The following TENM4 variants were observed in gnomAD, a reference collection of about 807,000 sequenced individuals.
The protein encoded by TENM4 is teneurin transmembrane protein 4.
TENM4 carries 82 observed loss-of-function variants against 243.3 expected under a neutral mutation model. That is an observed-to-expected ratio of 0.34 (90% CI 0.28 to 0.40). The LOEUF is 0.40. TENM4 is among the 10% of genes least tolerant of loss of function. The pLI is 1.00. For synonymous variants in TENM4, 1,412 were observed against 1,456.3 expected, an observed-to-expected ratio of 0.97 and a Z score of 0.69; for missense variants, 3,138 against 3,673.3, an observed-to-expected ratio of 0.85 and a Z score of 3.77.
chr11:79,436,301 G>A (rs922026986), intron 1 of TENM4, among the ~76,000 whole-genome samples: 1 of 152,114 alleles, frequency 6.6e-6, no homozygotes, highest in Non-Finnish European at 1.5e-5. Flanking sequence ...TATAACGGAC[G>A]TTATTGGGAC....
At chr11:79,424,251 G>A (rs1455383820) in intron 1 of TENM4, among the ~76,000 whole-genome samples, 1 of 152,116 alleles carries the variant, frequency 6.6e-6, no homozygotes, top group Non-Finnish European at 1.5e-5. Flanking sequence ...CAGGGATGCT[G>A]CCCAACATCC....
At chr11:78,700,585 T>C (rs946472630) in intron 28 of TENM4, among the ~76,000 whole-genome samples, 1 of 152,224 alleles carries the variant, frequency 6.6e-6, no homozygotes, top group Non-Finnish European at 1.5e-5. Flanking sequence ...AAGAGCGATG[T>C]TAGTCCATTC....
At chr11:78,964,209 AT>A (rs1403672353) in intron 6 of TENM4, among the ~76,000 whole-genome samples, 4 of 148,500 alleles carry the variant, frequency 2.7e-5, no homozygotes, top group Non-Finnish European at 4.5e-5. Flanking sequence ...CACCCAGCTA[AT>A]TTTTGTATTT....
chr11:79,372,819 G>A (rs956182061), intron 1 of TENM4, among the ~76,000 whole-genome samples: 4 of 152,154 alleles, frequency 2.6e-5, no homozygotes, highest in African/African-American at 4.8e-5. Context: ...TTAACTTAGA[G>A]AACTACACAT....
chr11:79,291,849 C>G (rs1166302245), intron 2 of TENM4, among the ~76,000 whole-genome samples: 1 of 152,214 alleles, frequency 6.6e-6, no homozygotes, highest in Non-Finnish European at 1.5e-5. Context: ...TCCCCAAGCA[C>G]TTGTTCCTGT....
chr11:79,050,001 C>A (rs1859756756), intron 6 of TENM4, among the ~76,000 whole-genome samples: 1 of 152,174 alleles, frequency 6.6e-6, no homozygotes, highest in African/African-American at 2.4e-5. Flanking sequence ...CATGTTGTGT[C>A]CTGTAAATGC....
At chr11:79,227,195 G>A (rs548696037) in intron 2 of TENM4, among the ~76,000 whole-genome samples, 9 of 152,148 alleles carry the variant, frequency 5.9e-5, no homozygotes, top group Non-Finnish European at 1.2e-4. Flanking sequence ...CCTACAAAAT[G>A]ATTCTAGCTC....
chr11:78,990,010 A>G (rs1347625509), intron 6 of TENM4, among the ~76,000 whole-genome samples: 2 of 151,644 alleles, frequency 1.3e-5, no homozygotes, highest in African/African-American at 4.9e-5. Flanking sequence ...GGCTGCTGTG[A>G]GCATGATTGC....
intron 6 of TENM4, among the ~76,000 whole-genome samples, chr11:79,058,052 T>G (rs1233189470): frequency 6.6e-6 from 1 of 152,176 alleles, no homozygotes; most frequent in African/African-American, 2.4e-5. Context: ...AATTTGAGAG[T>G]GGCCCAGTAT....
At chr11:78,760,331 C>A (rs910211614) in intron 18 of TENM4, among the ~76,000 whole-genome samples, 12 of 152,234 alleles carry the variant, frequency 7.9e-5, no homozygotes, top group African/African-American at 2.7e-4. Flanking sequence ...TCTCTCCAGG[C>A]AAACTACCTG....
chr11:79,215,719 C>T, intron 3 of TENM4, 89 bp downstream of exon 3: 1 of 977,406 alleles, frequency 1.0e-6, no homozygotes, highest in Non-Finnish European at 1.2e-6. Flanking sequence ...AAAAAACATG[C>T]AAATGTTCAG....
intron 30 of TENM4, among the ~76,000 whole-genome samples, chr11:78,675,433 G>A (rs1305390923): frequency 6.6e-6 from 1 of 152,194 alleles, no homozygotes; most frequent in Non-Finnish European, 1.5e-5. Flanking sequence ...TGAAAGCCAT[G>A]GCTAGTTCAT....
chr11:79,210,831 A>G (rs1863941546), intron 3 of TENM4, among the ~76,000 whole-genome samples: 1 of 152,180 alleles, frequency 6.6e-6, no homozygotes. Flanking sequence ...CTAATGAATT[A>G]GAATTAGTAG....
At chr11:79,172,344 A>G (rs1296340114) in intron 3 of TENM4, among the ~76,000 whole-genome samples, 2 of 152,210 alleles carry the variant, frequency 1.3e-5, no homozygotes, top group East Asian at 3.8e-4. Context: ...AGCCTCCTAA[A>G]GAGACTGGGT....
intron 3 of TENM4, among the ~76,000 whole-genome samples, chr11:79,156,176 A>T (rs886560030): frequency 5.9e-5 from 9 of 152,174 alleles, no homozygotes; most frequent in African/African-American, 1.7e-4. Context: ...CCAGAGGGAC[A>T]GGTCTGGGCT....
intron 4 of TENM4, among the ~76,000 whole-genome samples, chr11:79,079,813 C>G (rs1358054256): frequency 7.4e-6 from 1 of 134,570 alleles, no homozygotes; most frequent in African/African-American, 2.9e-5. Flanking sequence ...GTCTGAGCAA[C>G]ACAGTGACAC....
At chr11:78,713,938 A>C (rs1441243697) in intron 25 of TENM4, among the ~76,000 whole-genome samples, 1 of 152,110 alleles carries the variant, frequency 6.6e-6, no homozygotes, top group Non-Finnish European at 1.5e-5. Context: ...GGGCCCTAAA[A>C]CTGCATCTCA....
intron 6 of TENM4, among the ~76,000 whole-genome samples, chr11:78,913,614 TGTGTGTGTGTGTGTGA>T (rs1856245970): frequency 2.6e-5 from 4 of 151,122 alleles, no homozygotes; most frequent in African/African-American, 9.8e-5. Flanking sequence ...TGTGTGTGTG[TGTGTGTGTGTGTGTGA>T]GTGTCGGGGG....
chr11:79,332,224 G>A (rs1006361031), intron 1 of TENM4, among the ~76,000 whole-genome samples: 1 of 152,188 alleles, frequency 6.6e-6, no homozygotes, highest in Non-Finnish European at 1.5e-5. Flanking sequence ...CAAACCTTCA[G>A]CTATCACTCC....
Sources: allele counts gnomAD v4.1 joint callset (sites outside exome capture counted in the v4.1 genomes callset), GRCh38; gene constraint gnomAD v4.1.1; transcripts MANE v1.5; gene names NCBI Gene and HGNC (gene_info 2026-07-23, HGNC 2026-07-21).